PPP4R3A: variants seen among roughly 807,000 people sequenced by gnomAD.
PPP4R3A encodes serine/threonine-protein phosphatase 4 regulatory subunit 3A.
In PPP4R3A, 15 loss-of-function variants were observed where a neutral mutation model predicts 91.7. The observed-to-expected ratio is 0.16, with a 90% CI of 0.11 to 0.25. The LOEUF (loss-of-function observed/expected upper bound fraction) is 0.25, where lower values mean the gene tolerates loss of function less well. Among genes scored for constraint, PPP4R3A ranks in the 10% least tolerant of loss-of-function variants. PPP4R3A has a pLI of 1.00. For synonymous variants in PPP4R3A, 377 were observed against 348.7 expected (o/e 1.08, Z -0.91); for missense variants, 623 against 998.4 (o/e 0.62, Z 5.07).
At position 91,477,987 on chromosome 14, in the gene PPP4R3A, C is replaced by A. The variant is rs577336555; in HGVS notation, c.916-1001G>T. Among the ~76,000 whole-genome samples the A allele has an allele frequency of 3.9e-5, 6 of 152,242 alleles. No individual in the cohort carries two copies. The East Asian group carries it at 1.2e-3, about 29-fold the overall frequency. ...CTACCTCAGCTAGTGGAAGTAGATT[C>A]AATACCACTTAAGCCCTAGACATGC... On this transcript the variant is annotated intron_variant, in intron 4 of 14. Coordinates refer to ENST00000554943, the MANE Select transcript of PPP4R3A (RefSeq NM_001366432.2).
chr14:91,479,460 T>C (rs1889417727), intron 4 of PPP4R3A, among the ~76,000 whole-genome samples: 2 of 151,812 alleles, frequency 1.3e-5, no homozygotes, highest in African/African-American at 2.4e-5. Flanking sequence ...CTCAAACTCC[T>C]GGGCTCAAGC....
Position 91,462,894 on chromosome 14 carries a change from T to C in PPP4R3A, c.1831-17A>G. The C allele has an allele frequency of 6.4e-7, 1 of 1,565,714 alleles. No homozygotes were observed. Among genetic ancestry groups the C allele is most frequent in the Non-Finnish European group, 8.7e-7 (1 of 1,148,204 alleles). On this transcript the variant is annotated splice_polypyrimidine_tract_variant and intron_variant, in intron 11 of 14. Transcript: ENST00000554943. ...TATATCTTCCTACAGAAAAGAATAG[T>C]AATGAAAAAATGATAGGAAAATGTC...
Position 91,509,721 on chromosome 14 carries a change from C to CGAGGCGT in PPP4R3A, c.-81_-75dup. 1 of 1,468,546 alleles carries CGAGGCGT rather than the reference C, an allele frequency of 6.8e-7. No individual in the cohort carries two copies. Among genetic ancestry groups the CGAGGCGT allele is most frequent in the South Asian group, 1.3e-5 (1 of 76,124 alleles). 91.0% of individuals were successfully genotyped at this position (1,468,546 alleles called of 1,614,324 possible). A position where few individuals can be genotyped will look rare whatever the true frequency, so the allele number is the denominator to read the frequency against. ...AAAGGGGCCCTGGAGAGGCGAGGGG[C>CGAGGCGT]GAGGCGTGAGGGCGCCCGCGAGCGG... is the stretch of plus-strand genomic sequence containing the variant. On this transcript the variant is annotated 5_prime_UTR_variant, in exon 1 of 15. Coordinates refer to ENST00000554943, the MANE Select transcript of PPP4R3A (RefSeq NM_001366432.2).
rs1421882871 is a variant in PPP4R3A at position 91,462,927 on chromosome 14, C to G, written c.1831-50G>C. The stretch of plus-strand genomic sequence containing the variant: ...AAATGATAGGAAAATGTCATTTTAG[C>G]AAGATGAGGCTTAATTTAATCAATT... On this transcript the variant is annotated intron_variant, in intron 11 of 14. Transcript: ENST00000554943. 4 of 1,410,634 alleles carry G rather than the reference C, an allele frequency of 2.8e-6. No individual in the cohort carries two copies. In the East Asian group the frequency reaches 7.0e-5, roughly 25 times the overall value. The allele number at this position is 1,410,634 out of a possible 1,614,324, so 87.4% of individuals were successfully genotyped here.
intron 1 of PPP4R3A, among the ~76,000 whole-genome samples, chr14:91,492,914 G>A (rs1890309635): frequency 6.6e-6 from 1 of 152,124 alleles, no homozygotes; most frequent in Admixed American, 6.5e-5. Context: ...CTGTGCTAGT[G>A]ATACATTCAT....
intron 2 of PPP4R3A, among the ~76,000 whole-genome samples, chr14:91,487,625 G>A (rs1953397818): frequency 6.6e-6 from 1 of 152,216 alleles, no homozygotes; most frequent in South Asian, 2.1e-4. Flanking sequence ...GTATTGAGAA[G>A]GAAAGATGAC....
At chr14:91,460,414 A>T (rs1048909955) in intron 14 of PPP4R3A, among the ~76,000 whole-genome samples, 1 of 151,928 alleles carries the variant, frequency 6.6e-6, no homozygotes, top group Non-Finnish European at 1.5e-5. Flanking sequence ...CTTAGCCGTC[A>T]GGAGTCTCCA....
In PPP4R3A at chr14:91,510,017, GCGCCGCCGCCGCCTCCTCAGGCCGC is replaced by G. The variant is rs1258412184; in HGVS notation, c.-395_-371del. 1.4e-5 allele frequency: 13 copies of G among 930,130 alleles called. No individual in the cohort carries two copies. The highest frequency in any genetic ancestry group is 6.1e-5 in the Admixed American group (1 of 16,476). The allele number at this position is 930,130 out of a possible 1,614,324, so 57.6% of individuals were successfully genotyped here. On this transcript the variant is annotated 5_prime_UTR_variant, in exon 1 of 15. An upstream open reading frame in the 5' UTR loses its in-frame stop. Transcript: ENST00000554943. ...CATGATCTCCGCGAAGCAGCTTCCC[GCGCCGCCGCCGCCTCCTCAGGCCGC>G]CGCCGCCGCCGCCATATTTTCCTTC...
At chr14:91,462,425 CT>C (rs1253988311) in intron 12 of PPP4R3A, among the ~76,000 whole-genome samples, 186 bp from the exon 13 acceptor site, 4 of 151,394 alleles carry the variant, frequency 2.6e-5, no homozygotes, top group African/African-American at 9.7e-5. Context: ...ACCTTAGTAA[CT>C]TGTAAATTCA....
Position 91,509,908 on chromosome 14 carries a change from G to A in PPP4R3A, c.-261C>T, listed in dbSNP as rs994336653. 9.4e-6 allele frequency: 10 copies of A among 1,063,162 alleles called. No homozygotes were observed. The South Asian group carries it at 2.2e-4, about 23-fold the overall frequency. 65.9% of individuals were successfully genotyped at this position (1,063,162 alleles called of 1,614,324 possible). On this transcript the variant is annotated 5_prime_UTR_variant, in exon 1 of 15. Transcript: ENST00000554943. ...CGAGCCCGGCGCCCGGCAGCCCCGAGGGGGCCGCGCAGCGCTTCGTAGCCT... is the reference window on the plus strand; with the variant it reads ...CGAGCCCGGCGCCCGGCAGCCCCGAAGGGGCCGCGCAGCGCTTCGTAGCCT...
At chr14:91,459,010 C>T in intron 14 of PPP4R3A, 141 bp from the exon 15 acceptor site, 1 of 885,378 alleles carries the variant, frequency 1.1e-6, no homozygotes, top group Non-Finnish European at 1.6e-6. Context: ...TGTTAAACTT[C>T]AATTCATTAT....
chr14:91,462,129 G>A lies in PPP4R3A; in HGVS notation c.2084C>T (p.Ala695Val). ...AGTTTTGTCAGATGGAGACACTACAGCTTCTCCATCTTCCATGTCATCTTC... is the reference window on the plus strand; with the variant it reads ...AGTTTTGTCAGATGGAGACACTACAACTTCTCCATCTTCCATGTCATCTTC... The part of the protein sequence containing the change: ...TDEDDMEDGE[A>V]VVSPSDKTKN... The change falls in exon 13 of 15, where the codon GCT becomes GTT. Residue 695 changes from alanine (A) to valine (V), a missense_variant. Physicochemically the swap from Ala to Val is moderately conservative, Grantham distance 64. Coordinates refer to ENST00000554943, the MANE Select transcript of PPP4R3A (RefSeq NM_001366432.2). The A allele has an allele frequency of 1.2e-6, 2 of 1,602,692 alleles. No homozygotes were observed. Among genetic ancestry groups the A allele is most frequent in the Non-Finnish European group, 1.7e-6 (2 of 1,175,646 alleles).
rs776197370 is a variant in PPP4R3A, at chr14:91,461,433, G to C, written c.2339C>G (p.Ser780Cys). ...GSPGSPGSPG[S>C]PGSVPKNTSQ... Reference sequence around the variant, plus strand: ...TGTATTTTTAGGTACGGATCCAGGAGAGCCTGGAGATCCTGGGGATCCAGG... The same window carrying C: ...TGTATTTTTAGGTACGGATCCAGGACAGCCTGGAGATCCTGGGGATCCAGG... Residue 780 changes from serine (S) to cysteine (C), a missense_variant, in exon 14 of 15, where the codon TCT becomes TGT. By Grantham distance (112) the Ser-to-Cys change is moderately radical (BLOSUM62 -1). Transcript: ENST00000554943. The C allele has an allele frequency of 1.2e-6, 2 of 1,614,076 alleles. No homozygotes were observed.
At position 91,462,299 on chromosome 14, in the gene PPP4R3A, G is replaced by A. The variant is rs942817574; in HGVS notation, c.1974-60C>T. The A allele has an allele frequency of 3.6e-6, 5 of 1,404,734 alleles. No homozygotes were observed. In the Admixed American group the frequency reaches 1.4e-4, roughly 40 times the overall value. The allele number at this position is 1,404,734 out of a possible 1,614,324, so 87.0% of individuals were successfully genotyped here. A position where few individuals can be genotyped will look rare whatever the true frequency, so the allele number is the denominator to read the frequency against. On this transcript the variant is annotated intron_variant, in intron 12 of 14. Coordinates refer to ENST00000554943, the MANE Select transcript of PPP4R3A (RefSeq NM_001366432.2). ...ATATGGACTTAATTGTACTGTTACA[G>A]ATGACTTATTAAACTTGTTAACATA...
intron 1 of PPP4R3A, among the ~76,000 whole-genome samples, chr14:91,500,097 C>T (rs1460663620): frequency 1.3e-5 from 2 of 152,208 alleles, no homozygotes; most frequent in African/African-American, 4.8e-5. Context: ...GTTAATACAA[C>T]AAGATTTATA....
chr14:91,472,146 T>C (rs141637859), intron 9 of PPP4R3A, among the ~76,000 whole-genome samples: 13 of 150,922 alleles, frequency 8.6e-5, no homozygotes, highest in Admixed American at 3.3e-4. Context: ...TTTTTGAATG[T>C]AGACCTAAAA....
rs1889604777 is a variant in PPP4R3A, at chr14:91,482,140, A to G, written c.351T>C (p.Ser117=). The change falls in exon 4 of 15, where the codon TCT becomes TCC. Residue 117 remains serine, a synonymous_variant. Transcript: ENST00000554943. The part of the protein sequence containing the change: ...VDITQDLVDE[S]EEERFDDMSS... ...ACATATCATCAAAACGCTCCTCTTC[A>G]GATTCATCCACAAGGTCCTGAGTGA... The G allele has an allele frequency of 3.1e-6, 5 of 1,614,162 alleles. No individual in the cohort carries two copies. In the East Asian group the frequency reaches 8.9e-5, roughly 29 times the overall value.
intron 11 of PPP4R3A, among the ~76,000 whole-genome samples, chr14:91,464,341 C>CA (rs2140071476): frequency 7.2e-6 from 1 of 138,940 alleles, no homozygotes; most frequent in African/African-American, 2.6e-5. Flanking sequence ...CCTCACCCCC[C>CA]AAAAAAAGCA....
chr14:91,507,936 A>G (rs895817536), intron 1 of PPP4R3A, among the ~76,000 whole-genome samples: 2 of 152,130 alleles, frequency 1.3e-5, no homozygotes, highest in Non-Finnish European at 2.9e-5. Flanking sequence ...AGCCTTGGCA[A>G]CAGGGCAAAA....
Sources: allele counts gnomAD v4.1 joint callset (sites outside exome capture counted in the v4.1 genomes callset), GRCh38; gene constraint gnomAD v4.1.1; transcripts MANE v1.5; gene names NCBI Gene and HGNC (gene_info 2026-07-23, HGNC 2026-07-21).